The following ACKR3 variants were observed in gnomAD, a reference collection of about 807,000 sequenced individuals.
The protein encoded by ACKR3 is C-X-C chemokine receptor type 7.
ACKR3 carries 6 observed loss-of-function variants against 22.4 expected under a neutral mutation model. The ratio of observed to expected loss-of-function variants is 0.27; its 90% CI spans 0.15 to 0.53. The LOEUF (loss-of-function observed/expected upper bound fraction) is 0.53, where lower values mean the gene tolerates loss of function less well. Among genes scored for constraint, ACKR3 ranks in the 20% least tolerant of loss-of-function variants. The probability of loss-of-function intolerance (pLI) is 0.96; values close to 1 mark genes in which losing one functional copy is unlikely to be tolerated. For missense variants in ACKR3, 396 were observed against 475.2 expected (o/e 0.83, Z 1.55); for synonymous variants, 209 against 205.2 (o/e 1.02, Z -0.16).
chr2:236,545,611 A>C, the ACKR3 span, among the ~76,000 whole-genome samples: 6,229 of 152,274 alleles, frequency 0.041, 413 homozygotes, highest in African/African-American at 0.14. This position sits in a 1 kb window ranked among gnomAD's most constrained non-coding sequence, Gnocchi z 5.3. Context: ...TCAAATCGTC[A>C]ATAAAAGTGT....
At chr2:236,568,319 G>C (rs1691232230), upstream of ACKR3, among the ~76,000 whole-genome samples, 1 of 152,236 alleles carries the variant, frequency 6.6e-6, no homozygotes, top group African/African-American at 2.4e-5. Context: ...TACATTTCCA[G>C]CGGGCTCAGA....
At chr2:236,556,254 G>A in the ACKR3 span, among the ~76,000 whole-genome samples, 1 of 152,212 alleles carries the variant, frequency 6.6e-6, no homozygotes, top group African/African-American at 2.4e-5. Context: ...CTTGTGTGCA[G>A]CCAGGGTGGC....
At chr2:236,542,969 G>A in the ACKR3 span, among the ~76,000 whole-genome samples, 1 of 87,920 alleles carries the variant, frequency 1.1e-5, no homozygotes, top group Non-Finnish European at 1.9e-5. Flanking sequence ...TGTGATAAAT[G>A]TCAAGGCTAC....
rs781583037 is a variant in ACKR3 at position 236,581,350 on chromosome 2, G to A, written c.885G>A (p.Thr295=). ...FTCRLEHALF[T]ALHVTQCLSL... is the part of the protein sequence containing the mutation. The stretch of plus-strand genomic sequence containing the variant: ...GCCGGCTGGAGCACGCCCTCTTCAC[G>A]GCCCTGCATGTCACACAGTGCCTGT... Residue 295 remains threonine (T), a synonymous_variant, in exon 2 of 2, where the codon ACG becomes ACA. Coordinates refer to ENST00000272928, the MANE Select transcript of ACKR3 (RefSeq NM_020311.3). The surrounding 1 kb of genome is among the most constrained non-coding windows in gnomAD (Gnocchi z 4.4). 14 of 1,613,834 alleles carry A rather than the reference G, an allele frequency of 8.7e-6. No individual in the cohort carries two copies. In the East Asian group the frequency reaches 2.0e-4, roughly 23 times the overall value.
chr2:236,565,418 G>A (rs574393858), upstream of ACKR3, among the ~76,000 whole-genome samples: 4 of 152,282 alleles, frequency 2.6e-5, no homozygotes, highest in African/African-American at 9.6e-5. Flanking sequence ...CTATGTGAAA[G>A]ATGCCCTCCC....
rs2106506523 is a variant in ACKR3 at position 236,577,615 on chromosome 2, G to A, written c.-26-2825G>A. On this transcript the variant is annotated intron_variant, in intron 1 of 1. Transcript: ENST00000272928. The surrounding 1 kb of genome is among the most constrained non-coding windows in gnomAD (Gnocchi z 5.6). ...CCTCCTGCTGGGGCCTGTCCATGCTGAGCAGTGGCCAGGCGCCTGGCCAGC... is the reference window on the plus strand; with the variant it reads ...CCTCCTGCTGGGGCCTGTCCATGCTAAGCAGTGGCCAGGCGCCTGGCCAGC... Among the ~76,000 whole-genome samples the A allele has an allele frequency of 6.6e-6, 1 of 152,290 alleles. No individual in the cohort carries two copies. Among genetic ancestry groups the A allele is most frequent in the Non-Finnish European group, 1.5e-5 (1 of 68,022 alleles).
At chr2:236,566,597 G>C (rs1574970036), upstream of ACKR3, among the ~76,000 whole-genome samples, 1 of 152,182 alleles carries the variant, frequency 6.6e-6, no homozygotes, top group South Asian at 2.1e-4. Context: ...GAATACTGCA[G>C]AGCGTCACTC....
At chr2:236,559,978 T>C in the ACKR3 span, among the ~76,000 whole-genome samples, 144 of 152,368 alleles carry the variant, frequency 9.5e-4, no homozygotes, top group African/African-American at 3.3e-3. Context: ...TTCAACACTT[T>C]CCATTTCAAG....
chr2:236,556,187 A>G, the ACKR3 span, among the ~76,000 whole-genome samples: 12 of 152,278 alleles, frequency 7.9e-5, no homozygotes, highest in African/African-American at 2.6e-4. Context: ...TGAGGAGGAC[A>G]TCCACACCAG....
chr2:236,563,752 T>C (rs181821196), upstream of ACKR3, among the ~76,000 whole-genome samples: 22 of 152,300 alleles, frequency 1.4e-4, no homozygotes, highest in East Asian at 2.9e-3. Context: ...GGTTCTGATG[T>C]GCCTCCCCTC....
In ACKR3 at chr2:236,581,508, G is replaced by C. The variant is rs2106510803; in HGVS notation, c.1043G>C (p.Arg348Thr). ...TGLTKLIDASRVSETEYSALE... is the reference protein window; with the variant it reads ...TGLTKLIDASTVSETEYSALE... The stretch of plus-strand genomic sequence containing the variant: ...CTCACCAAGCTCATCGATGCCTCCA[G>C]AGTCTCAGAGACGGAGTACTCTGCC... The change falls in exon 2 of 2, where the codon AGA (arginine) becomes ACA (threonine). Residue 348 changes from arginine (R) to threonine (T), a missense_variant. Physicochemically the swap from Arg to Thr is moderately conservative, Grantham distance 71. Coordinates refer to ENST00000272928, the MANE Select transcript of ACKR3 (RefSeq NM_020311.3). This position sits in a 1 kb window ranked among gnomAD's most constrained non-coding sequence, Gnocchi z 4.4. 2.5e-6 allele frequency: 4 copies of C among 1,614,210 alleles called. No individual in the cohort carries two copies. The South Asian group carries it at 4.4e-5, about 18-fold the overall frequency.
At chr2:236,561,902 C>A in the ACKR3 span, among the ~76,000 whole-genome samples, 1 of 152,240 alleles carries the variant, frequency 6.6e-6, no homozygotes, top group Admixed American at 6.5e-5. Flanking sequence ...ATAAATAATC[C>A]TGTCAACTGA....
the ACKR3 span, among the ~76,000 whole-genome samples, chr2:236,556,712 G>A: frequency 2.6e-5 from 4 of 152,120 alleles, no homozygotes; most frequent in African/African-American, 4.8e-5. Flanking sequence ...TTTTTGAGAC[G>A]GAGTCTCACT....
At chr2:236,565,139 A>T (rs970997501), upstream of ACKR3, among the ~76,000 whole-genome samples, 19 of 152,072 alleles carry the variant, frequency 1.2e-4, no homozygotes, top group Non-Finnish European at 1.5e-4. Context: ...CGGAAGAGAA[A>T]TAGCCATTCT....
At chr2:236,542,963 A>T in the ACKR3 span, among the ~76,000 whole-genome samples, 1 of 152,252 alleles carries the variant, frequency 6.6e-6, no homozygotes, top group East Asian at 1.9e-4. Flanking sequence ...GGGCCCTGTG[A>T]TAAATGTCAA....
the ACKR3 span, among the ~76,000 whole-genome samples, chr2:236,538,652 A>T: frequency 1.3e-5 from 2 of 152,248 alleles, no homozygotes; most frequent in Non-Finnish European, 2.9e-5. Flanking sequence ...ATGAGTAGAT[A>T]TCTGCCCTGC....
At chr2:236,550,355 T>C in the ACKR3 span, among the ~76,000 whole-genome samples, 2 of 152,218 alleles carry the variant, frequency 1.3e-5, no homozygotes, top group African/African-American at 4.8e-5. This position sits in a 1 kb window ranked among gnomAD's most constrained non-coding sequence, Gnocchi z 4.6. Flanking sequence ...GCCAGGCCAG[T>C]GTGCACGCTG....
chr2:236,576,620 T>C (rs1038751757), intron 1 of ACKR3, among the ~76,000 whole-genome samples: 7 of 152,276 alleles, frequency 4.6e-5, no homozygotes, highest in African/African-American at 1.2e-4. Context: ...GCTCCAATAG[T>C]GGACGCACAA....
rs1405508287 is a variant in ACKR3, at chr2:236,581,122, G to A, written c.657G>A (p.Leu219=). Residue 219 remains leucine (L), a synonymous_variant, in exon 2 of 2, where the codon TTG becomes TTA. Coordinates refer to ENST00000272928, the MANE Select transcript of ACKR3 (RefSeq NM_020311.3). The surrounding 1 kb of genome is among the most constrained non-coding windows in gnomAD (Gnocchi z 4.4). ...GCATGGAGCTGGTCTCCGTTGTCTTGGGCTTTGCCGTTCCCTTCTCCATTA... is the reference window on the plus strand; with the variant it reads ...GCATGGAGCTGGTCTCCGTTGTCTTAGGCTTTGCCGTTCCCTTCTCCATTA... ...LIGMELVSVV[L]GFAVPFSIIA... is the part of the protein sequence containing the mutation. 6.2e-7 allele frequency: 1 copy of A among 1,614,078 alleles called. No homozygotes were observed. The highest frequency in any genetic ancestry group is 1.3e-5 in the African/African-American group (1 of 74,924).
Sources: allele counts gnomAD v4.1 joint callset (sites outside exome capture counted in the v4.1 genomes callset), GRCh38; gene constraint gnomAD v4.1.1; non-coding constraint Gnocchi (gnomAD v3.1); transcripts MANE v1.5; gene names NCBI Gene and HGNC (gene_info 2026-07-23, HGNC 2026-07-21).